PACRG: variants seen among roughly 807,000 people sequenced by gnomAD.
PACRG encodes parkin coregulated.
A neutral mutation model predicts 29.7 loss-of-function variants in PACRG; 29 were observed. That is an observed-to-expected ratio of 0.98 (90% confidence interval 0.73 to 1.33). The LOEUF (loss-of-function observed/expected upper bound fraction) is 1.33, where lower values mean the gene tolerates loss of function less well. Among genes scored for constraint, PACRG ranks in the 40% most tolerant of loss-of-function variants. The pLI is 0.00. For missense variants in PACRG, 279 were observed against 316.2 expected (o/e 0.88, Z 0.89); for synonymous variants, 116 against 118.7 (o/e 0.98, Z 0.15).
At position 163,028,086 on chromosome 6, in the gene PACRG, C is replaced by A. The variant is rs534574250; in HGVS notation, c.292-34064C>A. Among the ~76,000 whole-genome samples, 5 of 152,258 alleles carry A rather than the reference C, an allele frequency of 3.3e-5. No homozygotes were observed. In the East Asian group the frequency reaches 9.7e-4, roughly 29 times the overall value. On this transcript the variant is annotated intron_variant, in intron 2 of 4. Coordinates refer to ENST00000366888, the MANE Select transcript of PACRG (RefSeq NM_001080379.2). The stretch of plus-strand genomic sequence containing the variant: ...AGCCACATGGTCATGCATACTAACC[C>A]CAAAAGAGGCCGGCAGAGGTGGTTC...
intron 2 of PACRG, 23 bp downstream of exon 2, chr6:162,814,304 C>G: frequency 6.2e-7 from 1 of 1,609,936 alleles, no homozygotes; most frequent in South Asian, 1.1e-5. Flanking sequence ...ACAGCTGTGC[C>G]GGCCAGCTGC....
At chr6:163,013,946 A>G (rs986805724) in intron 2 of PACRG, among the ~76,000 whole-genome samples, 2 of 152,122 alleles carry the variant, frequency 1.3e-5, no homozygotes, top group East Asian at 1.9e-4. Flanking sequence ...ATGAAAAATT[A>G]TAAGATGTGA....
chr6:163,037,276 G>A (rs975122629), intron 2 of PACRG, among the ~76,000 whole-genome samples: 10 of 152,172 alleles, frequency 6.6e-5, no homozygotes, highest in African/African-American at 1.9e-4. Flanking sequence ...GTCAGCAGAC[G>A]CTTAGTTGGC....
intron 2 of PACRG, among the ~76,000 whole-genome samples, chr6:162,891,490 T>C (rs759369923): frequency 4.6e-5 from 7 of 152,088 alleles, no homozygotes; most frequent in Non-Finnish European, 8.8e-5. Flanking sequence ...CTGGGAGTGC[T>C]CTCTGGCTTG....
chr6:163,120,362 A>G (rs1202808114), intron 4 of PACRG, among the ~76,000 whole-genome samples: 1 of 152,144 alleles, frequency 6.6e-6, no homozygotes, highest in Non-Finnish European at 1.5e-5. Flanking sequence ...CAACATGGTC[A>G]TGGTTATGTG....
At chr6:163,196,026 C>A (rs1311102201) in intron 4 of PACRG, among the ~76,000 whole-genome samples, 1 of 152,202 alleles carries the variant, frequency 6.6e-6, no homozygotes, top group Non-Finnish European at 1.5e-5. Context: ...TGGTTCCCTC[C>A]CAGACCCCGT....
chr6:163,089,122 A>G (rs986030360), intron 3 of PACRG, 137 bp from the exon 4 acceptor site: 20 of 789,822 alleles, frequency 2.5e-5, no homozygotes, highest in African/African-American at 3.5e-5. Flanking sequence ...ATCCAAAGCT[A>G]TAATAATAAA....
intron 2 of PACRG, among the ~76,000 whole-genome samples, chr6:162,965,458 A>G (rs966458563): frequency 3.9e-5 from 6 of 152,198 alleles, no homozygotes; most frequent in Admixed American, 6.5e-5. Flanking sequence ...TTCTGGTTCA[A>G]GATGGTGCCT....
At chr6:163,219,185 A>G (rs1781479650) in intron 4 of PACRG, among the ~76,000 whole-genome samples, 1 of 152,182 alleles carries the variant, frequency 6.6e-6, no homozygotes, top group South Asian at 2.1e-4. Flanking sequence ...CCTCTGACAC[A>G]GCTCTTCATT....
intron 1 of PACRG, among the ~76,000 whole-genome samples, chr6:162,792,805 G>A (rs1037110068): frequency 6.6e-6 from 1 of 152,170 alleles, no homozygotes; most frequent in East Asian, 1.9e-4. Context: ...GGGGCACAGT[G>A]CAATGGTTTT....
At chr6:163,269,762 G>GAGAGACAGACAGAC (rs796202675) in intron 4 of PACRG, among the ~76,000 whole-genome samples, 3 of 51,254 alleles carry the variant, frequency 5.9e-5, no homozygotes, top group Admixed American at 1.8e-4. Context: ...GAGAGAGAGA[G>GAGAGACAGACAGAC]AGACAGACAG....
intron 1 of PACRG, among the ~76,000 whole-genome samples, chr6:162,781,015 T>A (rs1784053536): frequency 6.6e-6 from 1 of 151,944 alleles, no homozygotes; most frequent in South Asian, 2.1e-4. Flanking sequence ...TGGTAAAAAC[T>A]ATGAACCCAC....
intron 1 of PACRG, among the ~76,000 whole-genome samples, chr6:162,743,686 G>A (rs1234591423): frequency 6.6e-6 from 1 of 151,570 alleles, no homozygotes; most frequent in East Asian, 1.9e-4. Flanking sequence ...TTTATTTAAT[G>A]CCTCTTTTTA....
At chr6:163,059,437 G>A (rs1432713711) in intron 2 of PACRG, among the ~76,000 whole-genome samples, 1 of 152,120 alleles carries the variant, frequency 6.6e-6, no homozygotes, top group Non-Finnish European at 1.5e-5. Context: ...GAAAGCAGCA[G>A]GATAGAAAAG....
At chr6:162,827,904 C>G (rs1434891836) in intron 2 of PACRG, among the ~76,000 whole-genome samples, 1 of 152,018 alleles carries the variant, frequency 6.6e-6, no homozygotes, top group African/African-American at 2.4e-5. Context: ...CTTGGGGAAA[C>G]CAGCATATGC....
At chr6:162,953,760 T>C (rs1799825302) in intron 2 of PACRG, among the ~76,000 whole-genome samples, 1 of 150,730 alleles carries the variant, frequency 6.6e-6, no homozygotes, top group Non-Finnish European at 1.5e-5. Flanking sequence ...TAAGCATCCA[T>C]GATAACACAA....
At chr6:163,292,704 G>A (rs1784658564) in intron 4 of PACRG, among the ~76,000 whole-genome samples, 1 of 152,046 alleles carries the variant, frequency 6.6e-6, no homozygotes, top group African/African-American at 2.4e-5. Context: ...GATTACAGGT[G>A]TGAGCCACCA....
In PACRG at chr6:162,806,844, G is replaced by A. The variant is rs147848529; in HGVS notation, c.157-7303G>A. Among the ~76,000 whole-genome samples the A allele has an allele frequency of 7.9e-5, 12 of 152,286 alleles. No homozygotes were observed. The South Asian group carries it at 1.2e-3, about 16-fold the overall frequency. Reference sequence around the variant, plus strand: ...CTGTCTTTTGAAACTTCAAAGCCAAGCATTGAATTATCCTCAGTAGCTTTA... The same window carrying A: ...CTGTCTTTTGAAACTTCAAAGCCAAACATTGAATTATCCTCAGTAGCTTTA... On this transcript the variant is annotated intron_variant, in intron 1 of 4. Coordinates refer to ENST00000366888, the MANE Select transcript of PACRG (RefSeq NM_001080379.2).
At chr6:162,932,528 T>C (rs1371029268) in intron 2 of PACRG, among the ~76,000 whole-genome samples, 3 of 152,086 alleles carry the variant, frequency 2.0e-5, no homozygotes, top group Non-Finnish European at 4.4e-5. Context: ...TTTTCCTTGA[T>C]AGGAGACTTT....
Sources: allele counts gnomAD v4.1 joint callset (sites outside exome capture counted in the v4.1 genomes callset), GRCh38; gene constraint gnomAD v4.1.1; transcripts MANE v1.5; gene names NCBI Gene and HGNC (gene_info 2026-07-23, HGNC 2026-07-21).